Variants in RAB3C observed in about 807,000 individuals in gnomAD.
RAB3C encodes RAB3C, member RAS oncogene family.
A neutral mutation model predicts 26.4 loss-of-function variants in RAB3C; 17 were observed. That is an observed-to-expected ratio of 0.64 (90% confidence interval 0.44 to 0.97). RAB3C has a LOEUF of 0.97. RAB3C is among the 50% of genes least tolerant of loss of function. RAB3C has a pLI of 0.00. For synonymous variants in RAB3C, 91 were observed against 95.9 expected (o/e 0.95, Z 0.30); for missense variants, 242 against 281.9 (o/e 0.86, Z 1.01).
At chr5:58,677,047 C>G (rs902203436) in intron 2 of RAB3C, among the ~76,000 whole-genome samples, 7 of 152,140 alleles carry the variant, frequency 4.6e-5, no homozygotes. Context: ...TCTTAAGCCT[C>G]TAGGGAAGGA....
At chr5:58,635,359 T>C (rs1747267455) in intron 2 of RAB3C, among the ~76,000 whole-genome samples, 1 of 152,180 alleles carries the variant, frequency 6.6e-6, no homozygotes, top group Non-Finnish European at 1.5e-5. Flanking sequence ...TCCAAAGGAA[T>C]GCATTTTAAT....
chr5:58,726,712 C>G (rs1740898578), intron 3 of RAB3C, among the ~76,000 whole-genome samples: 1 of 151,940 alleles, frequency 6.6e-6, no homozygotes, highest in Admixed American at 6.6e-5. Context: ...TTTTGAAGGA[C>G]TGAGATAAAG....
At chr5:58,750,101 C>A (rs1251791651) in intron 3 of RAB3C, among the ~76,000 whole-genome samples, 2 of 152,016 alleles carry the variant, frequency 1.3e-5, no homozygotes, top group Admixed American at 6.5e-5. Context: ...CTATTTTTAA[C>A]CTGTATCAAA....
intron 1 of RAB3C, among the ~76,000 whole-genome samples, chr5:58,609,814 T>C (rs1216048785): frequency 6.6e-6 from 1 of 152,222 alleles, no homozygotes; most frequent in Non-Finnish European, 1.5e-5. Context: ...ATCTGACCTT[T>C]TCCGGGCCCC....
chr5:58,658,955 C>T lies in RAB3C; in HGVS notation c.252+41085C>T, dbSNP rs534560686. On this transcript the variant is annotated intron_variant, in intron 2 of 4. Transcript: ENST00000282878. ...GTCATTTGTATTGGCCAGAGCAAGT[C>T]GCAAGTCCAGCCCAAATTCAAAGGA... is the stretch of plus-strand genomic sequence containing the variant. Among the ~76,000 whole-genome samples the T allele has an allele frequency of 1.6e-4, 25 of 152,218 alleles. 1 individual carries two copies. The highest frequency in any genetic ancestry group is 3.4e-3 in the Middle Eastern group (1 of 294).
rs752151012 is a variant in RAB3C at position 58,583,175 on chromosome 5, G to T, written c.-34G>T. 6.2e-7 allele frequency: 1 copy of T among 1,614,108 alleles called. No homozygotes were observed. Among genetic ancestry groups the T allele is most frequent in the South Asian group, 1.1e-5 (1 of 91,074 alleles). On this transcript the variant is annotated 5_prime_UTR_variant, in exon 1 of 5. Coordinates refer to ENST00000282878, the MANE Select transcript of RAB3C (RefSeq NM_138453.4). ...CTTGACCGGAAGCCCAGACCAGTGC[G>T]GTCCTAGCCAGAGAGAAAGGACATT...
intron 2 of RAB3C, among the ~76,000 whole-genome samples, chr5:58,641,980 A>T (rs1034201117): frequency 1.3e-5 from 2 of 152,096 alleles, no homozygotes; most frequent in Non-Finnish European, 2.9e-5. Context: ...ACATAACATA[A>T]CTCCCTTGTG....
At chr5:58,606,668 T>C (rs1203151547) in intron 1 of RAB3C, among the ~76,000 whole-genome samples, 1 of 152,040 alleles carries the variant, frequency 6.6e-6, no homozygotes, top group Non-Finnish European at 1.5e-5. Context: ...TACAGGTGGG[T>C]GCTCCTCTGG....
At chr5:58,766,782 G>T (rs1341874839) in intron 3 of RAB3C, among the ~76,000 whole-genome samples, 1 of 152,140 alleles carries the variant, frequency 6.6e-6, no homozygotes, top group Non-Finnish European at 1.5e-5. Context: ...GGGCACAAAG[G>T]CACAAGAAAT....
At chr5:58,810,882 C>A (rs1743061594) in intron 3 of RAB3C, among the ~76,000 whole-genome samples, 1 of 152,208 alleles carries the variant, frequency 6.6e-6, no homozygotes. Context: ...CAGGCATGAG[C>A]CACCGTGCCC....
chr5:58,596,768 A>G (rs1226396656), intron 1 of RAB3C, among the ~76,000 whole-genome samples: 2 of 103,496 alleles, frequency 1.9e-5, no homozygotes, highest in African/African-American at 8.1e-5. Flanking sequence ...ATAAATATAT[A>G]ATATATAATA....
At chr5:58,592,532 T>C (rs904225562) in intron 1 of RAB3C, among the ~76,000 whole-genome samples, 1 of 152,158 alleles carries the variant, frequency 6.6e-6, no homozygotes, top group African/African-American at 2.4e-5. Flanking sequence ...TGGTACATAG[T>C]TTCTATCTGG....
chr5:58,682,090 G>A (rs1480078952), intron 2 of RAB3C, among the ~76,000 whole-genome samples: 2 of 152,176 alleles, frequency 1.3e-5, no homozygotes, highest in African/African-American at 2.4e-5. Context: ...CATTTGTATG[G>A]TTGAGGTGAG....
At chr5:58,649,382 C>T (rs997959327) in intron 2 of RAB3C, among the ~76,000 whole-genome samples, 2 of 152,018 alleles carry the variant, frequency 1.3e-5, no homozygotes, top group African/African-American at 4.8e-5. Context: ...CTGGCACTAA[C>T]TTGCTTGCTG....
intron 2 of RAB3C, among the ~76,000 whole-genome samples, chr5:58,656,170 C>G (rs936834902): frequency 5.9e-5 from 9 of 152,086 alleles, no homozygotes; most frequent in African/African-American, 2.2e-4. Flanking sequence ...AACAGAGATA[C>G]GTAAGGCAGA....
chr5:58,739,955 C>A (rs1741242233), intron 3 of RAB3C, among the ~76,000 whole-genome samples: 1 of 152,156 alleles, frequency 6.6e-6, no homozygotes. Context: ...TGTAACAAGG[C>A]CTGAATGTAT....
intron 2 of RAB3C, among the ~76,000 whole-genome samples, chr5:58,694,966 C>T (rs1041394589): frequency 1.3e-5 from 2 of 152,038 alleles, no homozygotes; most frequent in Non-Finnish European, 2.9e-5. Flanking sequence ...TGGCTTTTGT[C>T]GCCGTTGCTT....
chr5:58,805,748 T>G lies in RAB3C; in HGVS notation c.372-19290T>G, dbSNP rs534885657. On this transcript the variant is annotated intron_variant, in intron 3 of 4. Coordinates refer to ENST00000282878, the MANE Select transcript of RAB3C (RefSeq NM_138453.4). ...GCAGAGGAGTAGCATGAAATATTCCTAGGAAGGTAGTGTGTGTTCAGCCTG... is the reference window on the plus strand; with the variant it reads ...GCAGAGGAGTAGCATGAAATATTCCGAGGAAGGTAGTGTGTGTTCAGCCTG... 2.6e-5 allele frequency among the ~76,000 whole-genome samples: 4 copies of G among 152,158 alleles called. No homozygotes were observed. In the South Asian group the frequency reaches 6.2e-4, roughly 24 times the overall value.
At chr5:58,594,238 C>CA (rs1414050260) in intron 1 of RAB3C, among the ~76,000 whole-genome samples, 5 of 152,180 alleles carry the variant, frequency 3.3e-5, no homozygotes, top group African/African-American at 1.2e-4. Context: ...GCCTGAAGAA[C>CA]AGATATGTTT....
Sources: gnomAD v4.1 joint callset for allele counts (sites outside exome capture counted in the v4.1 genomes callset) on GRCh38, gnomAD v4.1.1 for gene constraint, MANE v1.5 for transcripts, NCBI Gene and HGNC (gene_info 2026-07-23, HGNC 2026-07-21) for gene names.